Variants in FRMD4A observed in about 807,000 individuals in gnomAD.
FRMD4A encodes FERM domain-containing protein 4A.
Under a neutral mutation model 129.1 loss-of-function variants are expected in FRMD4A, and 29 were observed. That is an observed-to-expected ratio of 0.22 (90% CI 0.17 to 0.31). FRMD4A has a LOEUF of 0.31. Ranked by LOEUF, FRMD4A falls within the 10% of genes least tolerant of loss-of-function variation. The pLI, the probability that FRMD4A is intolerant of heterozygous loss-of-function variation, is 1.00. For synonymous variants in FRMD4A, 634 were observed against 571.6 expected (o/e 1.11, Z -1.56); for missense variants, 1,272 against 1,375.8 (o/e 0.92, Z 1.19).
At chr10:13,731,248 T>A (rs1189119175) in intron 12 of FRMD4A, among the ~76,000 whole-genome samples, 1 of 151,800 alleles carries the variant, frequency 6.6e-6, no homozygotes, top group Admixed American at 6.6e-5. Context: ...AAACAGGAGA[T>A]CAGAAGTGGG....
intron 2 of FRMD4A, among the ~76,000 whole-genome samples, chr10:13,958,504 T>C (rs376166775): frequency 2.0e-5 from 3 of 151,944 alleles, no homozygotes; most frequent in South Asian, 2.1e-4. Flanking sequence ...AGGATGGTCT[T>C]GATCTCTTGA....
intron 7 of FRMD4A, 114 bp downstream of exon 7, chr10:13,762,510 A>T: frequency 1.5e-6 from 1 of 658,394 alleles, no homozygotes; most frequent in South Asian, 1.9e-5. Flanking sequence ...GGCTAAAAAA[A>T]GGTAAGACGA....
chr10:13,696,536 G>C (rs56654394), intron 14 of FRMD4A, among the ~76,000 whole-genome samples: 3,542 of 152,276 alleles, frequency 0.023, 139 homozygotes, highest in African/African-American at 0.082. Flanking sequence ...TTGAGGCCAG[G>C]TATTTGAGAA....
intron 2 of FRMD4A, among the ~76,000 whole-genome samples, chr10:13,918,477 C>G (rs1370504379): frequency 1.3e-5 from 2 of 152,112 alleles, no homozygotes; most frequent in East Asian, 3.8e-4. Context: ...CAGTCAAGTA[C>G]TATGTGCAAA....
At chr10:13,749,833 A>G (rs11258572) in intron 8 of FRMD4A, among the ~76,000 whole-genome samples, 53,206 of 151,464 alleles carry the variant, frequency 0.35, 10,173 homozygotes, top group African/African-American at 0.51. Context: ...TACAAAAAAT[A>G]CAAAAATTAG....
chr10:13,688,331 G>A lies in FRMD4A; in HGVS notation c.1117+5567C>T, dbSNP rs150596111. 8.7e-3 allele frequency among the ~76,000 whole-genome samples: 1,317 copies of A among 152,160 alleles called. 26 individuals carry two copies. The highest frequency in any genetic ancestry group is 0.029 in the African/African-American group (1,217 of 41,494). ...ACACCGCATGTTCTCACTCATAGGT[G>A]GGAATTGAAGAATGAGAACACATGG... On this transcript the variant is annotated intron_variant, in intron 15 of 24. Coordinates refer to ENST00000357447, the MANE Select transcript of FRMD4A (RefSeq NM_018027.5).
chr10:14,119,899 C>T (rs1265794517), intron 2 of FRMD4A, among the ~76,000 whole-genome samples: 1 of 151,962 alleles, frequency 6.6e-6, no homozygotes, highest in African/African-American at 2.4e-5. Flanking sequence ...ACAGCTGTTC[C>T]AGGACTATAA....
At chr10:14,142,061 A>G (rs946679631) in intron 2 of FRMD4A, among the ~76,000 whole-genome samples, 4 of 152,230 alleles carry the variant, frequency 2.6e-5, no homozygotes, top group Admixed American at 2.6e-4. Context: ...AGGATCAATA[A>G]TATATGACAA....
chr10:14,032,196 G>A (rs576159866), intron 2 of FRMD4A, among the ~76,000 whole-genome samples: 13 of 152,198 alleles, frequency 8.5e-5, no homozygotes, highest in Admixed American at 3.9e-4. Flanking sequence ...AAAAAAATTA[G>A]CACAATTCTC....
intron 8 of FRMD4A, among the ~76,000 whole-genome samples, chr10:13,748,943 T>C (rs753029949): frequency 1.3e-5 from 2 of 152,210 alleles, no homozygotes; most frequent in East Asian, 3.8e-4. Flanking sequence ...CTTTTCCCTG[T>C]AGACTCACAC....
At chr10:14,275,402 C>A (rs563170592) in intron 2 of FRMD4A, among the ~76,000 whole-genome samples, 3 of 152,324 alleles carry the variant, frequency 2.0e-5, no homozygotes, top group African/African-American at 7.2e-5. Context: ...TGTATCGCAA[C>A]CTTATCTTTC....
At chr10:13,864,588 T>G (rs1410386554) in intron 2 of FRMD4A, among the ~76,000 whole-genome samples, 1 of 150,726 alleles carries the variant, frequency 6.6e-6, no homozygotes. Context: ...TTTTTTTTTT[T>G]TTTTTGAGCC....
intron 17 of FRMD4A, among the ~76,000 whole-genome samples, chr10:13,666,816 C>T (rs1438671947): frequency 3.9e-5 from 6 of 152,106 alleles, no homozygotes; most frequent in South Asian, 2.1e-4. Flanking sequence ...GTGCCCCTCA[C>T]GTGTGCCTAA....
intron 6 of FRMD4A, among the ~76,000 whole-genome samples, chr10:13,777,386 G>T (rs1241855313): frequency 6.6e-6 from 1 of 151,948 alleles, no homozygotes. Flanking sequence ...TATTATTCTT[G>T]ATCACAGGAG....
intron 2 of FRMD4A, among the ~76,000 whole-genome samples, chr10:14,117,716 G>C (rs1302884692): frequency 6.6e-6 from 1 of 152,146 alleles, no homozygotes; most frequent in African/African-American, 2.4e-5. Context: ...AGCTGGCTAC[G>C]TTCATTCATT....
At chr10:14,044,192 C>T (rs1833894053) in intron 2 of FRMD4A, among the ~76,000 whole-genome samples, 1 of 152,210 alleles carries the variant, frequency 6.6e-6, no homozygotes, top group South Asian at 2.1e-4. Context: ...CCAGTTGATT[C>T]TACCTTTTAC....
At chr10:13,964,217 C>T (rs972470150) in intron 2 of FRMD4A, among the ~76,000 whole-genome samples, 1 of 151,470 alleles carries the variant, frequency 6.6e-6, no homozygotes, top group Non-Finnish European at 1.5e-5. Flanking sequence ...CAAAGAAAAC[C>T]AAAACAAAAA....
chr10:14,234,975 C>T (rs1186076268), intron 2 of FRMD4A, among the ~76,000 whole-genome samples: 1 of 152,140 alleles, frequency 6.6e-6, no homozygotes, highest in Non-Finnish European at 1.5e-5. Context: ...AGCAACTGTA[C>T]TTTTGTAGTG....
intron 19 of FRMD4A, among the ~76,000 whole-genome samples, chr10:13,662,308 A>C (rs2082694709): frequency 6.6e-6 from 1 of 152,190 alleles, no homozygotes; most frequent in African/African-American, 2.4e-5. Flanking sequence ...GACTGGGTAA[A>C]TAATCCGCCA....
Sources: allele counts gnomAD v4.1 joint callset (sites outside exome capture counted in the v4.1 genomes callset), GRCh38; gene constraint gnomAD v4.1.1; transcripts MANE v1.5; gene names NCBI Gene and HGNC (gene_info 2026-07-23, HGNC 2026-07-21).